Variants in SLC46A3 observed in about 807,000 individuals in gnomAD.
The protein encoded by SLC46A3 is lysosomal proton-coupled steroid conjugate and bile acid symporter SLC46A3.
In SLC46A3, 26 loss-of-function variants were observed where a neutral mutation model predicts 38.5. That is an observed-to-expected ratio of 0.68 (90% CI 0.49 to 0.94). The LOEUF (loss-of-function observed/expected upper bound fraction) is 0.94, where lower values mean the gene tolerates loss of function less well. Ranked by LOEUF, SLC46A3 falls within the 40% of genes least tolerant of loss-of-function variation. The pLI, the probability that SLC46A3 is intolerant of heterozygous loss-of-function variation, is 0.00. For synonymous variants in SLC46A3, 185 were observed against 192.5 expected (o/e 0.96, Z 0.32); for missense variants, 510 against 544.3 (o/e 0.94, Z 0.63).
chr13:28,711,933 G>T (rs1347376513), intron 3 of SLC46A3, among the ~76,000 whole-genome samples: 10 of 152,182 alleles, frequency 6.6e-5, no homozygotes, highest in Admixed American at 6.5e-4. Context: ...GAAAATGAGG[G>T]CTGAGAGTAG....
At chr13:28,712,412 G>A (rs1885367758) in intron 3 of SLC46A3, among the ~76,000 whole-genome samples, 1 of 152,102 alleles carries the variant, frequency 6.6e-6, no homozygotes. Context: ...CTATATTGAA[G>A]AACTGATTCA....
chr13:28,703,900 A>C, intron 5 of SLC46A3, 43 bp downstream of exon 5: 5 of 1,564,106 alleles, frequency 3.2e-6, no homozygotes, highest in Non-Finnish European at 4.4e-6. Flanking sequence ...AATTCACTTA[A>C]TCCATATACC....
In SLC46A3 at chr13:28,701,107, A is replaced by G. The variant is rs1885003435; in HGVS notation, c.*390T>C. On this transcript the variant is annotated 3_prime_UTR_variant, in exon 6 of 6. Transcript: ENST00000266943. Reference sequence around the variant, plus strand: ...GGCCAGAAACCCATTCTGCTGATGAAGAAACTGAGGTAAAGATTTCTCTTT... The same window carrying G: ...GGCCAGAAACCCATTCTGCTGATGAGGAAACTGAGGTAAAGATTTCTCTTT... 6.9e-6 allele frequency: 10 copies of G among 1,446,880 alleles called. No individual in the cohort carries two copies. The South Asian group carries it at 1.1e-4, about 16-fold the overall frequency. 89.6% of individuals were successfully genotyped at this position (1,446,880 alleles called of 1,614,324 possible).
intron 4 of SLC46A3, among the ~76,000 whole-genome samples, chr13:28,709,060 G>A (rs570851670): frequency 6.8e-4 from 104 of 152,144 alleles, no homozygotes; most frequent in African/African-American, 2.4e-3. Context: ...GGTGGGTCAC[G>A]CCTATAATCC....
At chr13:28,710,738 T>A (rs1885317400) in intron 4 of SLC46A3, 22 bp downstream of exon 4, 2 of 1,565,734 alleles carry the variant, frequency 1.3e-6, no homozygotes, top group Non-Finnish European at 1.8e-6. Context: ...AGATTCATAT[T>A]TCTTAAGCAA....
In SLC46A3 at chr13:28,710,943, AC is replaced by A. The variant is rs577491814; in HGVS notation, c.1061-101del. On this transcript the variant is annotated intron_variant, in intron 3 of 5. Coordinates refer to ENST00000266943, the MANE Select transcript of SLC46A3 (RefSeq NM_181785.4). Reference sequence around the variant, plus strand: ...ACTCTGTCTAAATACTTCCTTTTCTACAAGCATCCTAACTCATTGTATCTAA... The same window carrying A: ...ACTCTGTCTAAATACTTCCTTTTCTAAAGCATCCTAACTCATTGTATCTAA... 1.0e-4 allele frequency: 83 copies of A among 799,614 alleles called. 2 individuals carry two copies. Among genetic ancestry groups the A allele is most frequent in the South Asian group, 2.1e-4 (13 of 61,884 alleles). 49.5% of individuals were successfully genotyped at this position (799,614 alleles called of 1,614,324 possible). A position where few individuals can be genotyped will look rare whatever the true frequency, so the allele number is the denominator to read the frequency against.
At position 28,713,446 on chromosome 13, in the gene SLC46A3, G is replaced by A. The variant is rs202077942; in HGVS notation, c.294C>T (p.Tyr98=). 125 of 1,614,066 alleles carry A rather than the reference G, an allele frequency of 7.7e-5. 1 individual carries two copies. The highest frequency in any genetic ancestry group is 4.9e-4 in the Middle Eastern group (3 of 6,062). The stretch of plus-strand genomic sequence containing the variant: ...ACAAAATCATAGGGAATTTTCGTCC[G>A]TAGTGATCACTAATAGACAAAAGTA... ...TFILLSISDH[Y]GRKFPMILSS... Residue 98 remains tyrosine, a synonymous_variant, in exon 3 of 6, where the codon TAC becomes TAT. Coordinates refer to ENST00000266943, the MANE Select transcript of SLC46A3 (RefSeq NM_181785.4).
At chr13:28,706,265 A>G (rs1238810761) in intron 4 of SLC46A3, among the ~76,000 whole-genome samples, 1 of 152,176 alleles carries the variant, frequency 6.6e-6, no homozygotes, top group East Asian at 1.9e-4. Context: ...TACCTTTCTT[A>G]TTTAAGATAA....
chr13:28,715,478 C>T (rs1555260557), intron 2 of SLC46A3, among the ~76,000 whole-genome samples: 1 of 152,172 alleles, frequency 6.6e-6, no homozygotes, highest in Non-Finnish European at 1.5e-5. Context: ...CTTGTCCTCT[C>T]CTCCCTGGTC....
intron 2 of SLC46A3, among the ~76,000 whole-genome samples, chr13:28,717,318 C>T (rs1310054960): frequency 6.6e-6 from 1 of 151,966 alleles, no homozygotes; most frequent in Non-Finnish European, 1.5e-5. Context: ...CACTGGCTCA[C>T]AATCTTCAGT....
In SLC46A3 at chr13:28,713,107, C is replaced by A; in HGVS notation, c.633G>T (p.Leu211Phe). 1 of 1,612,002 alleles carries A rather than the reference C, an allele frequency of 6.2e-7. No individual in the cohort carries two copies. The highest frequency in any genetic ancestry group is 1.1e-5 in the South Asian group (1 of 90,692). The change falls in exon 3 of 6, where the codon TTG becomes TTT. Residue 211 changes from leucine (L) to phenylalanine (F), a missense_variant. By Grantham distance (22) the Leu-to-Phe change is conservative. Coordinates refer to ENST00000266943, the MANE Select transcript of SLC46A3 (RefSeq NM_181785.4). ...LIIAVSLAVNLIYILFFLGDP... is the reference protein window; with the variant it reads ...LIIAVSLAVNFIYILFFLGDP... ...CTCCGAGAAAAAATAAAATATAGAT[C>A]AAATTAACAGCAAGAGACACAGCAA...
chr13:28,708,614 C>CTTTTTTTTTTTTTTTTTTTTTTT (rs71190788), intron 4 of SLC46A3, among the ~76,000 whole-genome samples: 1 of 128,266 alleles, frequency 7.8e-6, no homozygotes, highest in Non-Finnish European at 1.7e-5. Context: ...TTTTTCTTTT[C>CTTTTTTTTTTTTTTTTTTTTTTT]TTTTTTTTTT....
chr13:28,710,006 C>T (rs1700134980), intron 4 of SLC46A3, among the ~76,000 whole-genome samples: 1 of 152,196 alleles, frequency 6.6e-6, no homozygotes, highest in African/African-American at 2.4e-5. Flanking sequence ...TATTTGAAAT[C>T]TGGCCAACAA....
chr13:28,704,974 T>C (rs527755861), intron 4 of SLC46A3, among the ~76,000 whole-genome samples: 24 of 152,328 alleles, frequency 1.6e-4, no homozygotes, highest in Non-Finnish European at 3.1e-4. Flanking sequence ...GACAGTATTC[T>C]ACCTATGTTT....
intron 2 of SLC46A3, among the ~76,000 whole-genome samples, chr13:28,715,967 C>A (rs1297598678): frequency 7.3e-6 from 1 of 137,418 alleles, no homozygotes; most frequent in Non-Finnish European, 1.6e-5. Flanking sequence ...CAGAGGAAGA[C>A]CCTGTCTCTA....
intron 4 of SLC46A3, 101 bp downstream of exon 4, chr13:28,710,659 A>C (rs1885315344): frequency 1.1e-6 from 1 of 909,206 alleles, no homozygotes; most frequent in Admixed American, 2.1e-5. Flanking sequence ...TCCGTGCATA[A>C]AAAGGGCTGT....
At chr13:28,705,783 T>G (rs1885157432) in intron 4 of SLC46A3, among the ~76,000 whole-genome samples, 1 of 152,240 alleles carries the variant, frequency 6.6e-6, no homozygotes, top group African/African-American at 2.4e-5. Flanking sequence ...GGAAGGATGT[T>G]CTTCTACTTG....
intron 4 of SLC46A3, among the ~76,000 whole-genome samples, chr13:28,707,043 T>G (rs1362359439): frequency 6.6e-6 from 1 of 152,126 alleles, no homozygotes. Context: ...AGCAATCCCA[T>G]TACTGGGTAT....
At chr13:28,709,946 C>T (rs1360113274) in intron 4 of SLC46A3, among the ~76,000 whole-genome samples, 1 of 152,210 alleles carries the variant, frequency 6.6e-6, no homozygotes, top group Non-Finnish European at 1.5e-5. Context: ...AGTGTAAGAA[C>T]ATTATCAGAG....
Sources: gnomAD v4.1 joint callset for allele counts (sites outside exome capture counted in the v4.1 genomes callset) on GRCh38, gnomAD v4.1.1 for gene constraint, MANE v1.5 for transcripts, NCBI Gene and HGNC (gene_info 2026-07-23, HGNC 2026-07-21) for gene names.